The following AGAP5 variants were observed in gnomAD, a reference collection of about 807,000 sequenced individuals.
The protein encoded by AGAP5 is ArfGAP with GTPase domain, ankyrin repeat and PH domain 5.
A neutral mutation model predicts 27.7 loss-of-function variants in AGAP5; 8 were observed. The ratio of observed to expected loss-of-function variants is 0.29; its 90% CI spans 0.17 to 0.52. The LOEUF is 0.52. AGAP5 is among the 20% of genes least tolerant of loss of function. The pLI is 0.97. For synonymous variants in AGAP5, 111 were observed against 338.0 expected, an observed-to-expected ratio of 0.33 and a Z score of 7.37; for missense variants, 285 against 880.8, an observed-to-expected ratio of 0.32 and a Z score of 8.56.
chr10:73,687,453 C>T (rs1158479926), intron 4 of AGAP5, among the ~76,000 whole-genome samples: 2 of 152,298 alleles, frequency 1.3e-5, no homozygotes, highest in Admixed American at 6.5e-5. Context: ...GACATGAGGT[C>T]TTGCTATGTT....
intron 4 of AGAP5, among the ~76,000 whole-genome samples, chr10:73,686,393 A>G (rs1442837237): frequency 2.0e-5 from 3 of 152,242 alleles, no homozygotes; most frequent in African/African-American, 7.2e-5. Flanking sequence ...CTCATCTTAC[A>G]CAAAAATCAA....
chr10:73,697,085 G>C lies in AGAP5; in HGVS notation c.292+10C>G. 1 of 1,597,556 alleles carries C rather than the reference G, an allele frequency of 6.3e-7. No homozygotes were observed. Among genetic ancestry groups the C allele is most frequent in the Non-Finnish European group, 8.5e-7 (1 of 1,179,640 alleles). ...GATAATAAACAGAGCTACAGACACT[G>C]TTGTCTCACCATCTGTTTGAGAGTT... is the stretch of plus-strand genomic sequence containing the variant. On this transcript the variant is annotated intron_variant, in intron 2 of 7. Transcript: ENST00000374094.
chr10:73,676,946 C>T (rs2081985108), intron 6 of AGAP5, among the ~76,000 whole-genome samples, 176 bp from the exon 7 acceptor site: 1 of 152,120 alleles, frequency 6.6e-6, no homozygotes, highest in African/African-American at 2.4e-5. Context: ...TTTCTCAGCA[C>T]ATCATGGCCT....
intron 3 of AGAP5, 121 bp downstream of exon 3, chr10:73,694,615 A>G: frequency 6.4e-7 from 1 of 1,569,532 alleles, no homozygotes; most frequent in Non-Finnish European, 8.6e-7. Context: ...AAATAAGACA[A>G]GTGAACATGT....
intron 4 of AGAP5, among the ~76,000 whole-genome samples, chr10:73,690,649 A>G (rs902728398): frequency 3.3e-5 from 5 of 152,042 alleles, no homozygotes; most frequent in Admixed American, 6.5e-5. Context: ...AAATGTCTTC[A>G]GAACCATAAA....
At chr10:73,688,985 GCCGC>G (rs1565007144) in intron 4 of AGAP5, among the ~76,000 whole-genome samples, 3 of 151,974 alleles carry the variant, frequency 2.0e-5, no homozygotes, top group Admixed American at 6.5e-5. Flanking sequence ...CTCTGCCTCT[GCCGC>G]CTCCGCCTCC....
chr10:73,693,018 T>C (rs1435157134), intron 3 of AGAP5, among the ~76,000 whole-genome samples: 5 of 152,202 alleles, frequency 3.3e-5, no homozygotes, highest in East Asian at 1.9e-4. Flanking sequence ...TCATTTTTTT[T>C]CCCTAAAAAG....
chr10:73,686,466 T>A, intron 4 of AGAP5, among the ~76,000 whole-genome samples: 1 of 152,148 alleles, frequency 6.6e-6, no homozygotes, highest in Non-Finnish European at 1.5e-5. Flanking sequence ...GAAGATAACA[T>A]TGGAAAAACC....
chr10:73,696,683 A>ATTTCACACC (rs2082164830), intron 2 of AGAP5, among the ~76,000 whole-genome samples: 1 of 152,192 alleles, frequency 6.6e-6, no homozygotes, highest in African/African-American at 2.4e-5. Flanking sequence ...CGGCTGTGAC[A>ATTTCACACC]TTTCACACCT....
At position 73,674,495 on chromosome 10, in the gene AGAP5, C is replaced by G. The variant is rs1056775101; in HGVS notation, c.*104G>C. The G allele has an allele frequency of 1.2e-4, 194 of 1,590,668 alleles. No homozygotes were observed. The highest frequency in any genetic ancestry group is 9.1e-4 in the Middle Eastern group (4 of 4,376). On this transcript the variant is annotated 3_prime_UTR_variant, in exon 8 of 8. Coordinates refer to ENST00000374094, the MANE Select transcript of AGAP5 (RefSeq NM_001144000.4). ...TAGTTTATGAAAAGTACTGAAAATG[C>G]TATTACTAGCTGAATTTGTGATTTC...
At chr10:73,695,725 A>C (rs1278169969) in intron 2 of AGAP5, among the ~76,000 whole-genome samples, 1 of 152,188 alleles carries the variant, frequency 6.6e-6, no homozygotes, top group African/African-American at 2.4e-5. Context: ...GCCCAACCAA[A>C]GTTTAAATAG....
At chr10:73,697,431 A>C in intron 1 of AGAP5, 102 bp downstream of exon 1, 1 of 1,596,568 alleles carries the variant, frequency 6.3e-7, no homozygotes, top group Admixed American at 1.7e-5. Context: ...AGCTGGCTAC[A>C]AGCAGAAAGG....
At chr10:73,687,976 C>CA (rs1250725115) in intron 4 of AGAP5, among the ~76,000 whole-genome samples, 1 of 151,910 alleles carries the variant, frequency 6.6e-6, no homozygotes, top group Non-Finnish European at 1.5e-5. Flanking sequence ...TGTGAACTTA[C>CA]AGGCAAATGG....
rs1440970783 is a variant in AGAP5, at chr10:73,675,124, G to A, written c.1536C>T (p.Arg512=). 1.9e-6 allele frequency: 3 copies of A among 1,610,978 alleles called. No homozygotes were observed. Among genetic ancestry groups the A allele is most frequent in the Non-Finnish European group, 2.5e-6 (3 of 1,179,140 alleles). Residue 512 remains arginine, a synonymous_variant, in exon 8 of 8, where the codon CGC becomes CGT. Coordinates refer to ENST00000374094, the MANE Select transcript of AGAP5 (RefSeq NM_001144000.4). The part of the protein sequence containing the change: ...CSGIHRSLGT[R]LSRVRSLELD... Reference sequence around the variant, plus strand: ...GCTCCAGAGATCGCACACGGGAAAGGCGGGTGCCAAGACTGCGGTGGATTC... The same window carrying A: ...GCTCCAGAGATCGCACACGGGAAAGACGGGTGCCAAGACTGCGGTGGATTC...
chr10:73,689,887 G>A (rs2082101029), intron 4 of AGAP5, among the ~76,000 whole-genome samples: 2 of 149,648 alleles, frequency 1.3e-5, no homozygotes, highest in African/African-American at 5.0e-5. Context: ...CCGGCCAGCC[G>A]CCCCGTCCGG....
In AGAP5 at chr10:73,677,376, C is replaced by CTTT. The variant is rs3998276; in HGVS notation, c.534-609_534-607dup. Among the ~76,000 whole-genome samples the CTTT allele has an allele frequency of 3.4e-4, 11 of 32,500 alleles. 2 individuals are homozygous for CTTT. Among genetic ancestry groups the CTTT allele is most frequent in the African/African-American group, 1.1e-3 (10 of 9,028 alleles). 21.3% of individuals were successfully genotyped at this position (32,500 alleles called of 152,430 possible). A position where few individuals can be genotyped will look rare whatever the true frequency, so the allele number is the denominator to read the frequency against. On this transcript the variant is annotated intron_variant, in intron 6 of 7. Coordinates refer to ENST00000374094, the MANE Select transcript of AGAP5 (RefSeq NM_001144000.4). ...GAAGGCCTAAGAGGTCATAACTGTTCTTTTTTTTTTTTTTTTTTTTTTTTT... is the reference window on the plus strand; with the variant it reads ...GAAGGCCTAAGAGGTCATAACTGTTCTTTTTTTTTTTTTTTTTTTTTTTTTTTT...
chr10:73,691,364 G>GA (rs2082117131), intron 4 of AGAP5, among the ~76,000 whole-genome samples: 2 of 152,174 alleles, frequency 1.3e-5, no homozygotes, highest in African/African-American at 4.8e-5. Context: ...AGAAACATAA[G>GA]ATCATGGTGT....
intron 1 of AGAP5, 109 bp from the exon 2 acceptor site, chr10:73,697,272 C>T (rs1462500674): frequency 6.6e-7 from 1 of 1,525,700 alleles, no homozygotes; most frequent in East Asian, 2.3e-5. Flanking sequence ...TAAATGGTCC[C>T]ATGCCAGCCT....
intron 4 of AGAP5, among the ~76,000 whole-genome samples, chr10:73,689,162 T>A (rs1408790387): frequency 6.6e-6 from 1 of 152,226 alleles, no homozygotes; most frequent in Non-Finnish European, 1.5e-5. Flanking sequence ...GGTGTTCGTA[T>A]TTTTTTGGTG....
Sources: gnomAD v4.1 joint callset for allele counts (sites outside exome capture counted in the v4.1 genomes callset) on GRCh38, gnomAD v4.1.1 for gene constraint, MANE v1.5 for transcripts, NCBI Gene and HGNC (gene_info 2026-07-23, HGNC 2026-07-21) for gene names.